TRRAP: variants seen among roughly 807,000 people sequenced by gnomAD.
TRRAP encodes transformation/transcription domain associated protein.
A neutral mutation model predicts 438.8 loss-of-function variants in TRRAP; 41 were observed. The ratio of observed to expected loss-of-function variants is 0.09; its 90% CI spans 0.07 to 0.12. The LOEUF (loss-of-function observed/expected upper bound fraction) is 0.12, where lower values mean the gene tolerates loss of function less well. Among genes scored for constraint, TRRAP ranks in the 10% least tolerant of loss-of-function variants. The pLI, the probability that TRRAP is intolerant of heterozygous loss-of-function variation, is 1.00. For synonymous variants in TRRAP, 1,994 were observed against 1,962.9 expected (o/e 1.02, Z -0.42); for missense variants, 3,122 against 5,055.1 (o/e 0.62, Z 11.60).
In TRRAP at chr7:98,988,774, G is replaced by A. The variant is rs770426751; in HGVS notation, c.9399G>A (p.Glu3133=). ...TTCTGTCTCCTCACAGGTCCGAGGA[G>A]GCAAACAAAGCCTTCTCTGCAGCTG... The part of the protein sequence containing the change: ...MFLAQINKSE[E]ANKAFSAAVQ... The change falls in exon 63 of 73, where the codon GAG becomes GAA. Residue 3133 remains glutamate, a synonymous_variant. Transcript: ENST00000456197. 11 of 1,614,080 alleles carry A rather than the reference G, an allele frequency of 6.8e-6. No homozygotes were observed. The South Asian group carries it at 1.2e-4, about 18-fold the overall frequency.
chr7:98,993,350 C>T (rs1406448016), intron 65 of TRRAP, among the ~76,000 whole-genome samples, 188 bp from the exon 66 acceptor site: 1 of 152,240 alleles, frequency 6.6e-6, no homozygotes, highest in African/African-American at 2.4e-5. Context: ...TGTCCCTCCC[C>T]GCGTCCCTCA....
rs1308121237 is a variant in TRRAP at position 98,956,401 on chromosome 7, G to A, written c.6099G>A (p.Pro2033=). Residue 2033 remains proline (P), a splice_region_variant and synonymous_variant, in exon 43 of 73, where the codon CCG becomes CCA. Transcript: ENST00000456197. This position sits in a 1 kb window ranked among gnomAD's most constrained non-coding sequence, Gnocchi z 4.5. ...WELQRIKDQQ[P]DSDMDPNSSG... is the part of the protein sequence containing the mutation. ...CCAAGCGCCTGTGTGTTTTTAAGCC[G>A]GATTCAGATATGGACCCAAATTCCA... 1.2e-6 allele frequency: 2 copies of A among 1,613,680 alleles called. No homozygotes were observed. Among genetic ancestry groups the A allele is most frequent in the South Asian group, 1.1e-5 (1 of 91,030 alleles).
chr7:98,914,219 A>G (rs1269848608), intron 18 of TRRAP, among the ~76,000 whole-genome samples: 3 of 151,978 alleles, frequency 2.0e-5, no homozygotes, highest in Non-Finnish European at 2.9e-5. Context: ...GCATAGTGAG[A>G]CCCTATCTCT....
chr7:98,959,958 AAAG>A (rs1791812496), intron 45 of TRRAP, among the ~76,000 whole-genome samples: 1 of 151,734 alleles, frequency 6.6e-6, no homozygotes, highest in African/African-American at 2.4e-5. Flanking sequence ...AAAAAAAGAA[AAAG>A]AAAAGAAAAG....
intron 14 of TRRAP, 123 bp downstream of exon 14, chr7:98,909,085 G>A (rs782651151): frequency 1.4e-4 from 124 of 912,172 alleles, no homozygotes; most frequent in East Asian, 2.4e-4. Context: ...GTGCAGTGGC[G>A]TGATCTCAGC....
rs1308386644 is a variant in TRRAP at position 98,908,421 on chromosome 7, A to G, written c.1116-307A>G. Among the ~76,000 whole-genome samples, 1 of 152,190 alleles carries G rather than the reference A, an allele frequency of 6.6e-6. No homozygotes were observed. The highest frequency in any genetic ancestry group is 2.4e-5 in the African/African-American group (1 of 41,444). Reference sequence around the variant, plus strand: ...TATTTATTTTTGAGCAACAAAACCCATTCAGTGCATGATCAAGCTGGTAAT... The same window carrying G: ...TATTTATTTTTGAGCAACAAAACCCGTTCAGTGCATGATCAAGCTGGTAAT... On this transcript the variant is annotated intron_variant, in intron 13 of 72. Coordinates refer to ENST00000456197, the MANE Select transcript of TRRAP (RefSeq NM_001375524.1). The surrounding 1 kb of genome is among the most constrained non-coding windows in gnomAD (Gnocchi z 4.1).
In TRRAP at chr7:98,988,780, C is replaced by T; in HGVS notation, c.9405C>T (p.Asn3135=). ...LAQINKSEEA[N]KAFSAAVQMH... ...CTCCTCACAGGTCCGAGGAGGCAAACAAAGCCTTCTCTGCAGCTGTGCAGA... is the reference window on the plus strand; with the variant it reads ...CTCCTCACAGGTCCGAGGAGGCAAATAAAGCCTTCTCTGCAGCTGTGCAGA... Residue 3135 remains asparagine (N), a synonymous_variant, in exon 63 of 73, where the codon AAC becomes AAT. Transcript: ENST00000456197. 6.2e-7 allele frequency: 1 copy of T among 1,614,156 alleles called. No homozygotes were observed. Among genetic ancestry groups the T allele is most frequent in the African/African-American group, 1.3e-5 (1 of 75,056 alleles).
At chr7:98,888,229 C>CAA (rs1169797218) in intron 3 of TRRAP, among the ~76,000 whole-genome samples, 3 of 131,878 alleles carry the variant, frequency 2.3e-5, no homozygotes, top group Non-Finnish European at 3.3e-5. Flanking sequence ...GACTCCATCT[C>CAA]AAAAAAAAAA....
chr7:98,912,349 T>C, intron 18 of TRRAP, 136 bp downstream of exon 18: 1 of 853,446 alleles, frequency 1.2e-6, no homozygotes, highest in Admixed American at 3.5e-5. Context: ...TCCCCAGTTT[T>C]TGGGACTATA....
At position 99,008,479 on chromosome 7, in the gene TRRAP, G is replaced by C. The variant is rs1447054828; in HGVS notation, c.10856G>C (p.Gly3619Ala). 1 of 1,614,024 alleles carries C rather than the reference G, an allele frequency of 6.2e-7. No homozygotes were observed. Among genetic ancestry groups the C allele is most frequent in the Non-Finnish European group, 8.5e-7 (1 of 1,180,022 alleles). The change falls in exon 70 of 73, where the codon GGC (glycine) becomes GCC (alanine). Residue 3619 changes from glycine (G) to alanine (A), a missense_variant. Physicochemically the swap from Gly to Ala is moderately conservative, Grantham distance 60. Coordinates refer to ENST00000456197, the MANE Select transcript of TRRAP (RefSeq NM_001375524.1). ...TACAAGCAGCGCTGCGCCAAGAAGG[G>C]CATCGAGCATGACAACCCCATCTCC... is the stretch of plus-strand genomic sequence containing the variant. ...EIYKQRCAKK[G>A]IEHDNPISRY...
At position 98,950,990 on chromosome 7, in the gene TRRAP, G is replaced by C. The variant is rs894522767; in HGVS notation, c.5449G>C (p.Val1817Leu). ...EGDNPESITSVFITKVLDPEK... is the reference protein window; with the variant it reads ...EGDNPESITSLFITKVLDPEK... ...AGATAACCCAGAAAGCATCACCAGT[G>C]TGTTTATTACCAAGGTGGTATCACT... Residue 1817 changes from valine (V) to leucine (L), a missense_variant, in exon 39 of 73, where the codon GTG becomes CTG. This residue lies in a region of TRRAP where 272 missense variants were observed against 348.5 expected (regional missense o/e 0.78). Transcript: ENST00000456197. 6.9e-6 allele frequency: 11 copies of C among 1,603,456 alleles called. No individual in the cohort carries two copies. Among genetic ancestry groups the C allele is most frequent in the Non-Finnish European group, 9.4e-6 (11 of 1,176,458 alleles).
chr7:99,003,514 T>A (rs1007666508), intron 67 of TRRAP, among the ~76,000 whole-genome samples: 2 of 152,086 alleles, frequency 1.3e-5, no homozygotes, highest in African/African-American at 4.8e-5. Context: ...CACGGGCTCC[T>A]GGTTGTTGGG....
rs770003844 is a variant in TRRAP, at chr7:98,981,786, G to A, written c.8652G>A (p.Pro2884=). ...EALVQVEVSC[P]KEMAWKVNMY... ...ACTGCCAGGTGGAAGTGAGCTGTCC[G>A]AAGGAGATGGCCTGGAAGGTGAACA... The change falls in exon 59 of 73, where the codon CCG becomes CCA. Residue 2884 remains proline, a synonymous_variant. Transcript: ENST00000456197. 1.5e-5 allele frequency: 24 copies of A among 1,604,722 alleles called. No homozygotes were observed. Among genetic ancestry groups the A allele is most frequent in the East Asian group, 6.8e-5 (3 of 44,298 alleles).
At chr7:98,886,273 A>ATATATC (rs578066883) in intron 3 of TRRAP, among the ~76,000 whole-genome samples, 19 of 152,156 alleles carry the variant, frequency 1.2e-4, no homozygotes, top group African/African-American at 3.4e-4. Context: ...CTGGGCAACA[A>ATATATC]TATATCTATA....
At chr7:98,909,464 T>G (rs1410335882) in intron 14 of TRRAP, among the ~76,000 whole-genome samples, 2 of 152,188 alleles carry the variant, frequency 1.3e-5, no homozygotes, top group East Asian at 3.9e-4. Context: ...TCACTTGGGG[T>G]GATGATATCT....
chr7:98,906,056 C>A, intron 12 of TRRAP, 121 bp from the exon 13 acceptor site: 3 of 745,104 alleles, frequency 4.0e-6, no homozygotes, highest in East Asian at 3.1e-5. Flanking sequence ...CTCTCTGTCC[C>A]TTTTCAGGTC....
intron 39 of TRRAP, 85 bp from the exon 40 acceptor site, chr7:98,953,082 T>TA: frequency 7.2e-7 from 1 of 1,392,690 alleles, no homozygotes; most frequent in Non-Finnish European, 9.8e-7. Context: ...TGTGTGTGTT[T>TA]TTAAGGCTTA....
At chr7:98,995,934 GTCCTCACACTCCCGTCCCA>G (rs1562977019) in intron 67 of TRRAP, among the ~76,000 whole-genome samples, 1 of 116,848 alleles carries the variant, frequency 8.6e-6, no homozygotes, top group African/African-American at 3.5e-5. Context: ...TCCCCATCCC[GTCCTCACACTCCCGTCCCA>G]TCCTCGCATC....
intron 40 of TRRAP, 64 bp downstream of exon 40, chr7:98,953,497 C>T: frequency 6.3e-7 from 1 of 1,581,760 alleles, no homozygotes; most frequent in Non-Finnish European, 8.6e-7. Context: ...CACTTGGCTC[C>T]CTGGTGCAGT....
Sources: allele counts gnomAD v4.1 joint callset (sites outside exome capture counted in the v4.1 genomes callset), GRCh38; gene constraint gnomAD v4.1.1; regional missense constraint gnomAD v4.1.1; non-coding constraint Gnocchi (gnomAD v3.1); transcripts MANE v1.5; gene names NCBI Gene and HGNC (gene_info 2026-07-23, HGNC 2026-07-21).